The following NEBL variants were observed in gnomAD, a reference collection of about 807,000 sequenced individuals.
The protein encoded by NEBL is nebulette.
Under a neutral mutation model 140.2 loss-of-function variants are expected in NEBL, and 122 were observed. That is an observed-to-expected ratio of 0.87 (90% CI 0.75 to 1.01). The LOEUF (loss-of-function observed/expected upper bound fraction) is 1.01, where lower values mean the gene tolerates loss of function less well. Among genes scored for constraint, NEBL ranks in the 50% least tolerant of loss-of-function variants. The pLI, the probability that NEBL is intolerant of heterozygous loss-of-function variation, is 0.00. For missense variants in NEBL, 1,365 were observed against 1,231.3 expected, an observed-to-expected ratio of 1.11 and a Z score of -1.62; for synonymous variants, 436 against 398.9, an observed-to-expected ratio of 1.09 and a Z score of -1.11.
intron 5 of NEBL, among the ~76,000 whole-genome samples, chr10:20,878,917 G>A (rs1352801353): frequency 2.6e-5 from 4 of 152,084 alleles, no homozygotes; most frequent in South Asian, 2.1e-4. Flanking sequence ...AGGAACTTCC[G>A]TATTTGAATT....
chr10:20,939,032 G>T (rs991069150), intron 4 of NEBL, among the ~76,000 whole-genome samples: 1 of 152,142 alleles, frequency 6.6e-6, no homozygotes, highest in Non-Finnish European at 1.5e-5. Flanking sequence ...TTATCCAGGA[G>T]AACTTCCCCA....
At chr10:21,082,507 G>T (rs1172401684) in intron 2 of NEBL, among the ~76,000 whole-genome samples, 3 of 132,800 alleles carry the variant, frequency 2.3e-5, no homozygotes, top group African/African-American at 6.2e-5. Flanking sequence ...AAAATTTTTT[G>T]TAAGTTTGAA....
At position 21,173,538 on chromosome 10, in the gene NEBL, G is replaced by A. The variant is rs1236148341; in HGVS notation, c.69+227C>T. ...GCAGAGGCTCTGCCGATGTCGCACC[G>A]CCCCGCACCGCGACAAAAGCCCTTC... On this transcript the variant is annotated intron_variant, in intron 1 of 6. Coordinates refer to the NEBL transcript ENST00000417816. This position sits in a 1 kb window ranked among gnomAD's most constrained non-coding sequence, Gnocchi z 5.7. Among the ~76,000 whole-genome samples the A allele has an allele frequency of 2.6e-5, 4 of 152,142 alleles. No individual in the cohort carries two copies. The highest frequency in any genetic ancestry group is 9.6e-5 in the African/African-American group (4 of 41,452).
At chr10:21,091,610 T>G (rs1167856777) in intron 2 of NEBL, among the ~76,000 whole-genome samples, 1 of 152,152 alleles carries the variant, frequency 6.6e-6, no homozygotes, top group African/African-American at 2.4e-5. Flanking sequence ...ATGCTTAGAT[T>G]GCTACTTTCA....
intron 3 of NEBL, among the ~76,000 whole-genome samples, chr10:21,214,550 C>T (rs890291945): frequency 2.7e-5 from 4 of 150,898 alleles, no homozygotes; most frequent in African/African-American, 9.8e-5. Flanking sequence ...CACATGCACA[C>T]ACATGTGCAC....
At chr10:20,954,065 A>T (rs1029760167) in intron 4 of NEBL, among the ~76,000 whole-genome samples, 3 of 151,748 alleles carry the variant, frequency 2.0e-5, no homozygotes, top group African/African-American at 7.2e-5. Flanking sequence ...CACCCTGGAT[A>T]TAGAGAAAGT....
intron 23 of NEBL, chr10:20,813,637 C>T (rs1838397135): frequency 3.3e-6 from 1 of 306,286 alleles, no homozygotes; most frequent in Non-Finnish European, 6.2e-6. Context: ...GGCAAACAGA[C>T]CAAATTTTGT....
intron 2 of NEBL, among the ~76,000 whole-genome samples, chr10:21,054,712 C>T (rs1834933484): frequency 6.6e-6 from 1 of 152,134 alleles, no homozygotes; most frequent in African/African-American, 2.4e-5. Context: ...AAATGCCAAG[C>T]TCTGCCCGAG....
At chr10:20,931,662 C>T (rs1202396954) in intron 4 of NEBL, among the ~76,000 whole-genome samples, 2 of 152,098 alleles carry the variant, frequency 1.3e-5, no homozygotes, top group African/African-American at 2.4e-5. Context: ...AAAGAGTCTC[C>T]GGCCCATGCA....
chr10:21,117,370 T>G (rs572287291), intron 2 of NEBL, among the ~76,000 whole-genome samples: 7 of 152,270 alleles, frequency 4.6e-5, no homozygotes, highest in African/African-American at 1.4e-4. Flanking sequence ...CACCTCTCTG[T>G]TCTCCTAACC....
At chr10:20,992,221 T>A (rs1048710067) in intron 3 of NEBL, among the ~76,000 whole-genome samples, 1 of 152,262 alleles carries the variant, frequency 6.6e-6, no homozygotes, top group South Asian at 2.1e-4. Context: ...CAGATGTATA[T>A]GAACATTTTT....
At chr10:20,981,355 T>C (rs553907207) in intron 3 of NEBL, among the ~76,000 whole-genome samples, 1 of 151,372 alleles carries the variant, frequency 6.6e-6, no homozygotes, top group Non-Finnish European at 1.5e-5. Flanking sequence ...ACAGGAAAAT[T>C]ATTTATCTCA....
At chr10:20,833,502 T>G (rs1382581879) in intron 14 of NEBL, among the ~76,000 whole-genome samples, 1 of 149,480 alleles carries the variant, frequency 6.7e-6, no homozygotes, top group African/African-American at 2.5e-5. Context: ...ATTTGGGGGG[T>G]TTTTATTGAC....
intron 2 of NEBL, chr10:21,172,347 TG>T: frequency 6.6e-7 from 1 of 1,519,172 alleles, no homozygotes; most frequent in Non-Finnish European, 9.1e-7. Context: ...GCTCTGAGGC[TG>T]TGCCACACCT....
chr10:21,142,686 C>A (rs1481452148), intron 2 of NEBL, among the ~76,000 whole-genome samples: 1 of 152,186 alleles, frequency 6.6e-6, no homozygotes, highest in Non-Finnish European at 1.5e-5. Context: ...CCCAGGGCGG[C>A]AGACGGTATG....
chr10:20,874,476 T>A (rs990367964), intron 5 of NEBL, among the ~76,000 whole-genome samples: 1 of 152,144 alleles, frequency 6.6e-6, no homozygotes, highest in Admixed American at 6.6e-5. Context: ...TAAGGATGAT[T>A]AAAGTTTGGA....
At chr10:20,829,281 T>C (rs1453359592) in intron 16 of NEBL, among the ~76,000 whole-genome samples, 1 of 152,112 alleles carries the variant, frequency 6.6e-6, no homozygotes, top group Non-Finnish European at 1.5e-5. Flanking sequence ...TTCATGTCCT[T>C]TGTAGGGACA....
intron 2 of NEBL, among the ~76,000 whole-genome samples, chr10:21,024,185 C>A (rs1838928617): frequency 2.0e-5 from 3 of 151,906 alleles, no homozygotes; most frequent in Non-Finnish European, 4.4e-5. Context: ...ATATCTAGGA[C>A]TAGAAACATA....
intron 2 of NEBL, among the ~76,000 whole-genome samples, chr10:21,090,552 G>A (rs1229215294): frequency 6.6e-6 from 1 of 152,162 alleles, no homozygotes; most frequent in East Asian, 1.9e-4. Context: ...TTGAGGGACT[G>A]TATTCCCTCC....
Sources: allele counts gnomAD v4.1 joint callset (sites outside exome capture counted in the v4.1 genomes callset), GRCh38; gene constraint gnomAD v4.1.1; non-coding constraint Gnocchi (gnomAD v3.1); transcripts MANE v1.5; gene names NCBI Gene and HGNC (gene_info 2026-07-23, HGNC 2026-07-21).